Variants in BNC2 observed in about 807,000 individuals in gnomAD.
BNC2 encodes zinc finger protein basonuclin-2.
BNC2 carries 20 observed loss-of-function variants against 76.3 expected under a neutral mutation model. The ratio of observed to expected loss-of-function variants is 0.26; its 90% CI spans 0.18 to 0.38. BNC2 has a LOEUF of 0.38. Among genes scored for constraint, BNC2 ranks in the 10% least tolerant of loss-of-function variants. The pLI is 1.00. For synonymous variants in BNC2, 582 were observed against 514.8 expected, an observed-to-expected ratio of 1.13 and a Z score of -1.77; for missense variants, 1,382 against 1,399.8, an observed-to-expected ratio of 0.99 and a Z score of 0.20.
At chr9:16,614,456 T>C (rs1449147708) in intron 3 of BNC2, among the ~76,000 whole-genome samples, 1 of 74,788 alleles carries the variant, frequency 1.3e-5, no homozygotes, top group Non-Finnish European at 3.1e-5. Flanking sequence ...TGGAAAAACC[T>C]TTTCTTGAAA....
Position 16,415,180 on chromosome 9 carries a change from T to A in BNC2, c.*3809A>T. On this transcript the variant is annotated 3_prime_UTR_variant, in exon 7 of 7. Transcript: ENST00000380672. ...AAGATCTGGAATGAGTTACATTGGG[T>A]TGACTTATTTAAATACAATTAATAT... The A allele has an allele frequency of 6.6e-6, 1 of 152,276 alleles. No individual in the cohort carries two copies. The highest frequency in any genetic ancestry group is 1.9e-4 in the East Asian group (1 of 5,200). The allele number at this position is 152,276 out of a possible 1,614,324, so 9.4% of individuals were successfully genotyped here.
At chr9:16,812,392 G>A (rs1818075329) in intron 1 of BNC2, among the ~76,000 whole-genome samples, 1 of 152,206 alleles carries the variant, frequency 6.6e-6, no homozygotes, top group Non-Finnish European at 1.5e-5. Flanking sequence ...CCCAGCCTGA[G>A]AGCTGGTCTC....
At chr9:16,820,661 T>G (rs144147365) in intron 1 of BNC2, among the ~76,000 whole-genome samples, 1 of 152,304 alleles carries the variant, frequency 6.6e-6, no homozygotes, top group Non-Finnish European at 1.5e-5. Context: ...GATATCTGAA[T>G]ATTAAGACTC....
intron 1 of BNC2, among the ~76,000 whole-genome samples, chr9:16,830,975 G>T (rs1818565214): frequency 6.6e-6 from 1 of 152,210 alleles, no homozygotes; most frequent in Non-Finnish European, 1.5e-5. Context: ...GCTGAATGAA[G>T]CCAGTAACAG....
chr9:16,611,129 C>G (rs996767120), intron 3 of BNC2, among the ~76,000 whole-genome samples: 15 of 152,102 alleles, frequency 9.9e-5, no homozygotes, highest in African/African-American at 1.4e-4. Context: ...GGTTCTAATT[C>G]TATGCTTTAA....
chr9:16,786,271 A>G (rs1826290605), intron 1 of BNC2, among the ~76,000 whole-genome samples: 1 of 152,162 alleles, frequency 6.6e-6, no homozygotes, highest in Non-Finnish European at 1.5e-5. Flanking sequence ...TTGAGTTGAA[A>G]TTGGGAAGGA....
chr9:16,739,016 C>T (rs1297994365), intron 1 of BNC2, among the ~76,000 whole-genome samples: 1 of 151,202 alleles, frequency 6.6e-6, no homozygotes, highest in Non-Finnish European at 1.5e-5. Flanking sequence ...AGATCCCTTC[C>T]AGCCAGTATG....
At position 16,633,644 on chromosome 9, in the gene BNC2, A is replaced by G. The variant is rs141013527; in HGVS notation, c.331-50559T>C. Among the ~76,000 whole-genome samples, 484 of 152,310 alleles carry G rather than the reference A, an allele frequency of 3.2e-3. 2 individuals carry two copies. The highest frequency in any genetic ancestry group is 0.011 in the African/African-American group (450 of 41,574). Reference sequence around the variant, plus strand: ...TATCATTATTTCTTCAATATTTTCCATCTTCATCGTGTTTATCTAATAATT... The same window carrying G: ...TATCATTATTTCTTCAATATTTTCCGTCTTCATCGTGTTTATCTAATAATT... On this transcript the variant is annotated intron_variant, in intron 3 of 6. Coordinates refer to ENST00000380672, the MANE Select transcript of BNC2 (RefSeq NM_017637.6).
At chr9:16,778,418 G>T (rs571890863) in intron 1 of BNC2, among the ~76,000 whole-genome samples, 202 of 152,108 alleles carry the variant, frequency 1.3e-3, no homozygotes, top group African/African-American at 3.5e-3. Flanking sequence ...TACCAACAAT[G>T]ATCATAATAT....
intron 1 of BNC2, among the ~76,000 whole-genome samples, chr9:16,816,374 G>A (rs1200897066): frequency 1.3e-5 from 2 of 152,156 alleles, no homozygotes; most frequent in Non-Finnish European, 2.9e-5. Context: ...CAATGCAGGG[G>A]CATGTAGGTG....
intron 3 of BNC2, among the ~76,000 whole-genome samples, chr9:16,594,008 A>G (rs1820000918): frequency 6.6e-6 from 1 of 152,170 alleles, no homozygotes; most frequent in Non-Finnish European, 1.5e-5. Flanking sequence ...TGCAATTTGA[A>G]AGATGGTAAT....
chr9:16,572,300 G>A (rs1819347905), intron 4 of BNC2, among the ~76,000 whole-genome samples: 1 of 152,110 alleles, frequency 6.6e-6, no homozygotes, highest in Admixed American at 6.6e-5. Flanking sequence ...TGAAGACAGA[G>A]GGAAACAGCA....
chr9:16,846,807 C>A (rs927129501), intron 1 of BNC2, among the ~76,000 whole-genome samples: 1 of 152,212 alleles, frequency 6.6e-6, no homozygotes, highest in African/African-American at 2.4e-5. Context: ...CAGCCACAAT[C>A]TTTTGAAAAC....
At chr9:16,765,052 G>A (rs1352167944) in intron 1 of BNC2, among the ~76,000 whole-genome samples, 5 of 152,282 alleles carry the variant, frequency 3.3e-5, no homozygotes, top group Middle Eastern at 3.4e-3. Flanking sequence ...GGTTTAGGAA[G>A]AAGTAACAAC....
chr9:16,423,593 A>C (rs780480799), intron 6 of BNC2, among the ~76,000 whole-genome samples: 2 of 152,224 alleles, frequency 1.3e-5, no homozygotes, highest in Non-Finnish European at 2.9e-5. Context: ...TTTCCCTTCC[A>C]TCAATAATAT....
intron 3 of BNC2, among the ~76,000 whole-genome samples, chr9:16,718,438 A>G (rs10756788): frequency 0.42 from 63,967 of 152,142 alleles, 18,101 homozygotes; most frequent in Non-Finnish European, 0.63. Flanking sequence ...TTTAAGCTCC[A>G]TTCAGTCCCA....
intron 4 of BNC2, among the ~76,000 whole-genome samples, chr9:16,561,163 C>T (rs1475770207): frequency 1.3e-5 from 2 of 151,432 alleles, no homozygotes; most frequent in African/African-American, 2.4e-5. Flanking sequence ...CTCTTGAACC[C>T]GGGAGGCAGA....
intron 1 of BNC2, among the ~76,000 whole-genome samples, chr9:16,835,127 C>T (rs1818672325): frequency 6.6e-6 from 1 of 152,138 alleles, no homozygotes; most frequent in African/African-American, 2.4e-5. Flanking sequence ...TCCTTCCACA[C>T]AAATAGAGAA....
At chr9:16,749,292 G>A (rs180919585) in intron 1 of BNC2, among the ~76,000 whole-genome samples, 44 of 152,254 alleles carry the variant, frequency 2.9e-4, no homozygotes, top group African/African-American at 8.9e-4. Flanking sequence ...ATCAGTACAC[G>A]TGTTGTTAGT....
Sources: allele counts gnomAD v4.1 joint callset (sites outside exome capture counted in the v4.1 genomes callset), GRCh38; gene constraint gnomAD v4.1.1; transcripts MANE v1.5; gene names NCBI Gene and HGNC (gene_info 2026-07-23, HGNC 2026-07-21).